UBR4: variants seen among roughly 807,000 people sequenced by gnomAD.
The protein encoded by UBR4 is E3 ubiquitin-protein ligase UBR4.
A neutral mutation model predicts 575.6 loss-of-function variants in UBR4; 124 were observed. The observed-to-expected ratio is 0.22, with a 90% CI of 0.19 to 0.25. The LOEUF (loss-of-function observed/expected upper bound fraction) is 0.25. Among genes scored for constraint, UBR4 ranks in the 10% least tolerant of loss-of-function variants. UBR4 has a pLI of 1.00. For missense variants in UBR4, 4,818 were observed against 6,478.8 expected, an observed-to-expected ratio of 0.74 and a Z score of 8.80; for synonymous variants, 2,455 against 2,473.7, an observed-to-expected ratio of 0.99 and a Z score of 0.22.
intron 48 of UBR4, chr1:19,151,189 A>G (rs1000439443): frequency 9.4e-6 from 3 of 319,220 alleles, no homozygotes; most frequent in Non-Finnish European, 1.8e-5. Flanking sequence ...TGGCCAATAA[A>G]TGACAGAGAA....
At chr1:19,189,493 C>A (rs1017171053) in intron 11 of UBR4, among the ~76,000 whole-genome samples, 1 of 152,210 alleles carries the variant, frequency 6.6e-6, no homozygotes, top group Non-Finnish European at 1.5e-5. Flanking sequence ...AAAACTTAGA[C>A]ATTTTAATAG....
chr1:19,115,094 AAGC>A (rs1202079902), intron 74 of UBR4, 145 bp from the exon 75 acceptor site: 4 of 1,284,576 alleles, frequency 3.1e-6, no homozygotes, highest in African/African-American at 1.5e-5. Flanking sequence ...TGAATGACTT[AAGC>A]AGCCAGGTAA....
intron 64 of UBR4, among the ~76,000 whole-genome samples, chr1:19,125,876 T>C (rs904361032): frequency 1.3e-5 from 2 of 152,216 alleles, no homozygotes; most frequent in African/African-American, 4.8e-5. Flanking sequence ...CTAGGCATTG[T>C]GCTAAGTCCT....
At position 19,110,655 on chromosome 1, in the gene UBR4, C is replaced by A; in HGVS notation, c.11892+87G>T. The A allele has an allele frequency of 6.7e-7, 1 of 1,481,846 alleles. No individual in the cohort carries two copies. The highest frequency in any genetic ancestry group is 9.4e-7 in the Non-Finnish European group (1 of 1,061,514). 91.8% of individuals were successfully genotyped at this position (1,481,846 alleles called of 1,614,324 possible). Reference sequence around the variant, plus strand: ...GTTCTGCTCCTTCCCTCCTCAGTCACCGCAGGACCTGGGAGGGGAAGCTGA... The same window carrying A: ...GTTCTGCTCCTTCCCTCCTCAGTCAACGCAGGACCTGGGAGGGGAAGCTGA... On this transcript the variant is annotated intron_variant, in intron 79 of 105. Transcript: ENST00000375254. The surrounding 1 kb of genome is among the most constrained non-coding windows in gnomAD (Gnocchi z 4.5).
intron 53 of UBR4, among the ~76,000 whole-genome samples, 198 bp from the exon 54 acceptor site, chr1:19,145,105 C>T (rs2084660162): frequency 6.6e-6 from 1 of 152,130 alleles, no homozygotes; most frequent in African/African-American, 2.4e-5. Flanking sequence ...TCCTAAACTC[C>T]CAAATTGTCC....
intron 53 of UBR4, 148 bp from the exon 54 acceptor site, chr1:19,145,055 C>T (rs991961430): frequency 1.4e-5 from 12 of 840,334 alleles, no homozygotes; most frequent in Non-Finnish European, 2.2e-5. Context: ...CATTCACACA[C>T]AGTAGCCTGT....
intron 60 of UBR4, among the ~76,000 whole-genome samples, chr1:19,133,696 T>A (rs1317883658): frequency 6.6e-6 from 1 of 151,820 alleles, no homozygotes; most frequent in Admixed American, 6.6e-5. Flanking sequence ...ACACATGTAA[T>A]CCCAACACTG....
At chr1:19,167,283 T>C (rs1319553759) in intron 28 of UBR4, 52 bp from the exon 29 acceptor site, 24 of 1,600,490 alleles carry the variant, frequency 1.5e-5, no homozygotes, top group Non-Finnish European at 1.9e-5. Context: ...TCCAAAAAGC[T>C]GCAAAGCAAG....
chr1:19,164,464 T>C, intron 32 of UBR4, 23 bp from the exon 33 acceptor site: 3 of 1,604,856 alleles, frequency 1.9e-6, no homozygotes, highest in South Asian at 1.1e-5. Context: ...AAAGAGCAAG[T>C]TGGTGAATAA....
At chr1:19,119,525 G>C in intron 70 of UBR4, 32 bp downstream of exon 70, 1 of 1,596,836 alleles carries the variant, frequency 6.3e-7, no homozygotes, top group South Asian at 1.1e-5. Flanking sequence ...AATATGGCAA[G>C]TTGGCCCCTC....
At chr1:19,158,750 A>T (rs1355939223) in intron 39 of UBR4, among the ~76,000 whole-genome samples, 2 of 152,036 alleles carry the variant, frequency 1.3e-5, no homozygotes, top group Non-Finnish European at 2.9e-5. Flanking sequence ...GGCATGAGCC[A>T]CTGCACCTGG....
rs371811019 is a variant in UBR4, at chr1:19,155,543, C to T, written c.6198G>A (p.Ser2066=). ...EGKNIIVIMS[S]AGYIYTQLME... The stretch of plus-strand genomic sequence containing the variant: ...TAAGCTGAGTATAGATGTACCCAGC[C>T]GAAGACATTATAACAATGATGTTCT... Residue 2066 remains serine (S), a synonymous_variant, in exon 43 of 106, where the codon TCG becomes TCA. Coordinates refer to ENST00000375254, the MANE Select transcript of UBR4 (RefSeq NM_020765.3). 1.3e-4 allele frequency: 215 copies of T among 1,613,940 alleles called. No individual in the cohort carries two copies. The highest frequency in any genetic ancestry group is 1.7e-4 in the Middle Eastern group (1 of 6,060).
intron 63 of UBR4, 100 bp downstream of exon 63, chr1:19,127,523 C>T (rs1396327597): frequency 2.2e-6 from 2 of 894,956 alleles, no homozygotes; most frequent in Non-Finnish European, 1.8e-6. Context: ...GGAACAATGG[C>T]TTTATTCTTA....
At chr1:19,076,683 G>C in intron 105 of UBR4, 57 bp downstream of exon 105, 9 of 1,610,146 alleles carry the variant, frequency 5.6e-6, no homozygotes, top group Non-Finnish European at 7.6e-6. Flanking sequence ...GACCCACGGA[G>C]GAAGACATGG....
intron 58 of UBR4, among the ~76,000 whole-genome samples, chr1:19,140,133 TA>T (rs1286388069): frequency 7.9e-5 from 12 of 151,462 alleles, no homozygotes; most frequent in African/African-American, 2.9e-4. Flanking sequence ...AGCATCAGTC[TA>T]AAAAACTATA....
chr1:19,122,648 C>CAGT (rs1438107458), intron 66 of UBR4, among the ~76,000 whole-genome samples, 185 bp downstream of exon 66: 1 of 152,206 alleles, frequency 6.6e-6, no homozygotes, highest in East Asian at 1.9e-4. Context: ...ATCCCAGATC[C>CAGT]TGAAGCCAAC....
At chr1:19,130,915 G>A (rs1371600075) in intron 60 of UBR4, among the ~76,000 whole-genome samples, 1 of 151,814 alleles carries the variant, frequency 6.6e-6, no homozygotes, top group African/African-American at 2.4e-5. Context: ...CATTCATTTT[G>A]TTATTTTTTT....
Position 19,210,109 on chromosome 1 carries a change from T to C in UBR4, c.140A>G (p.Lys47Arg). The change falls in exon 1 of 106, where the codon AAG (lysine) becomes AGG (arginine). Residue 47 changes from lysine to arginine, a missense_variant. Coordinates refer to ENST00000375254, the MANE Select transcript of UBR4 (RefSeq NM_020765.3). ...LSASYSAFEM[K>R]ELPQLVASVI... The stretch of plus-strand genomic sequence containing the variant: ...TGAGGCCACCAGCTGCGGCAACTCC[T>C]TCATCTCGAAGGCGGAGTAGGACGC... 6.3e-7 allele frequency: 1 copy of C among 1,583,592 alleles called. No homozygotes were observed. The highest frequency in any genetic ancestry group is 8.6e-7 in the Non-Finnish European group (1 of 1,167,756).
At chr1:19,175,057 A>C (rs2090074702) in intron 20 of UBR4, 24 bp from the exon 21 acceptor site, 6 of 1,598,278 alleles carry the variant, frequency 3.8e-6, no homozygotes, top group Non-Finnish European at 5.1e-6. Flanking sequence ...TGCTGATTAA[A>C]AGAATGGTTC....
Sources: allele counts gnomAD v4.1 joint callset (sites outside exome capture counted in the v4.1 genomes callset), GRCh38; gene constraint gnomAD v4.1.1; non-coding constraint Gnocchi (gnomAD v3.1); transcripts MANE v1.5; gene names NCBI Gene and HGNC (gene_info 2026-07-23, HGNC 2026-07-21).